The following DMXL2 variants were observed in gnomAD, a reference collection of about 807,000 sequenced individuals.
The protein encoded by DMXL2 is Dmx like 2, also known as dmX-like protein 2.
In DMXL2, 103 loss-of-function variants were observed where a neutral mutation model predicts 331.1. That is an observed-to-expected ratio of 0.31 (90% CI 0.27 to 0.37). The LOEUF is 0.37. DMXL2 is among the 10% of genes least tolerant of loss of function. The pLI is 1.00. For synonymous variants in DMXL2, 1,281 were observed against 1,252.1 expected (o/e 1.02, Z -0.49); for missense variants, 3,171 against 3,642.9 (o/e 0.87, Z 3.33).
chr15:51,467,634 T>C (rs1040767555), intron 29 of DMXL2, among the ~76,000 whole-genome samples: 4 of 152,142 alleles, frequency 2.6e-5, no homozygotes, highest in African/African-American at 4.8e-5. Flanking sequence ...ATCCTCTCAC[T>C]ATTCTCAAGA....
intron 1 of DMXL2, among the ~76,000 whole-genome samples, chr15:51,591,165 G>A (rs1005187950): frequency 1.3e-5 from 2 of 152,240 alleles, no homozygotes; most frequent in Admixed American, 6.5e-5. Context: ...CAAGGGGTCA[G>A]GGAATTCCCT....
chr15:51,576,791 G>C (rs1403724664), intron 1 of DMXL2, among the ~76,000 whole-genome samples: 1 of 151,982 alleles, frequency 6.6e-6, no homozygotes, highest in Admixed American at 6.6e-5. Context: ...TCAGGCCTGA[G>C]GGAGAAAGGA....
At chr15:51,557,597 G>A (rs1303617077) in intron 6 of DMXL2, among the ~76,000 whole-genome samples, 1 of 152,086 alleles carries the variant, frequency 6.6e-6, no homozygotes, top group African/African-American at 2.4e-5. Context: ...AGAAAAACAA[G>A]AGGGGAGGAC....
At chr15:51,549,503 G>A (rs2049077992) in intron 6 of DMXL2, among the ~76,000 whole-genome samples, 1 of 152,130 alleles carries the variant, frequency 6.6e-6, no homozygotes, top group South Asian at 2.1e-4. Flanking sequence ...GGATCAAATG[G>A]TAGTTCTACT....
intron 25 of DMXL2, 48 bp from the exon 26 acceptor site, chr15:51,478,395 C>T (rs1436811132): frequency 9.2e-6 from 14 of 1,521,750 alleles, no homozygotes; most frequent in East Asian, 4.5e-5. Flanking sequence ...CATTTCTACA[C>T]AACAGTAATA....
intron 32 of DMXL2, among the ~76,000 whole-genome samples, chr15:51,463,818 G>C (rs976319975): frequency 6.6e-6 from 1 of 151,934 alleles, no homozygotes; most frequent in Non-Finnish European, 1.5e-5. Context: ...CTTGGTTAAA[G>C]CATATCAACA....
chr15:51,609,529 G>T (rs190952622), intron 1 of DMXL2, among the ~76,000 whole-genome samples: 35 of 152,292 alleles, frequency 2.3e-4, no homozygotes, highest in African/African-American at 8.2e-4. Context: ...AAATACCAAT[G>T]CAGTACAACT....
chr15:51,520,532 C>T (rs550261581), intron 13 of DMXL2, among the ~76,000 whole-genome samples: 80 of 152,220 alleles, frequency 5.3e-4, no homozygotes, highest in Non-Finnish European at 9.4e-4. Context: ...TATGCCACCC[C>T]TGTAAGGCCC....
At position 51,612,310 on chromosome 15, in the gene DMXL2, T is replaced by A. The variant is rs79356687; in HGVS notation, c.87+10149A>T. On this transcript the variant is annotated intron_variant, in intron 1 of 43. Transcript: ENST00000560891. ...ATACTGCCAGGAAGAATGGCTATAG[T>A]TCAATTATTCCATAATCAAATCGTC... Among the ~76,000 whole-genome samples, 1,504 of 152,272 alleles carry A rather than the reference T, an allele frequency of 9.9e-3. 19 individuals carry two copies. Among genetic ancestry groups the A allele is most frequent in the African/African-American group, 0.035 (1,448 of 41,508 alleles).
At chr15:51,451,593 G>C (rs548171560) in intron 42 of DMXL2, 52 bp downstream of exon 42, 3 of 1,361,832 alleles carry the variant, frequency 2.2e-6, no homozygotes, top group Non-Finnish European at 3.1e-6. Context: ...ATTCCTTCAT[G>C]GTGTATTATT....
chr15:51,464,302 G>A (rs1734915395), intron 32 of DMXL2, among the ~76,000 whole-genome samples: 2 of 152,158 alleles, frequency 1.3e-5, no homozygotes, highest in Admixed American at 1.3e-4. Flanking sequence ...AGGAGGCAGA[G>A]GTGAAAAAGA....
At position 51,457,481 on chromosome 15, in the gene DMXL2, C is replaced by T. The variant is rs201055646; in HGVS notation, c.8199-15G>A. 1.2e-6 allele frequency: 2 copies of T among 1,613,372 alleles called. No individual in the cohort carries two copies. The highest frequency in any genetic ancestry group is 1.7e-6 in the Non-Finnish European group (2 of 1,179,534). ...CATCATCTGAACTGTGAAAAACATT[C>T]ATGTGTTACTGTGAACATTCCCTTT... On this transcript the variant is annotated splice_polypyrimidine_tract_variant and intron_variant, in intron 36 of 43. Coordinates refer to ENST00000560891, the MANE Select transcript of DMXL2 (RefSeq NM_001378457.1).
At chr15:51,599,744 G>C (rs1320819569) in intron 1 of DMXL2, among the ~76,000 whole-genome samples, 1 of 151,766 alleles carries the variant, frequency 6.6e-6, no homozygotes, top group East Asian at 1.9e-4. Context: ...TTGTCACCCA[G>C]GCTGGAGTGC....
At chr15:51,458,870 T>C (rs1566978983) in intron 34 of DMXL2, 75 bp from the exon 35 acceptor site, 1 of 1,235,590 alleles carries the variant, frequency 8.1e-7, no homozygotes, top group Admixed American at 2.0e-5. Context: ...CCATAAGATT[T>C]AAATGTAGGA....
At chr15:51,605,380 T>A (rs2053508044) in intron 1 of DMXL2, among the ~76,000 whole-genome samples, 1 of 152,010 alleles carries the variant, frequency 6.6e-6, no homozygotes, top group African/African-American at 2.4e-5. Flanking sequence ...TTTGTATTTT[T>A]AGTAGAGACA....
At position 51,585,802 on chromosome 15, in the gene DMXL2, T is replaced by C. The variant is rs571281568; in HGVS notation, c.88-9621A>G. ...TAGAAGATAAGCATCTTTTCACATA[T>C]TTATCAGCCATTTATATTTCTTTCT... On this transcript the variant is annotated intron_variant, in intron 1 of 43. Coordinates refer to ENST00000560891, the MANE Select transcript of DMXL2 (RefSeq NM_001378457.1). Among the ~76,000 whole-genome samples the C allele has an allele frequency of 1.7e-3, 261 of 152,314 alleles. 2 individuals carry two copies. The highest frequency in any genetic ancestry group is 3.2e-3 in the Non-Finnish European group (217 of 68,020).
chr15:51,566,232 GGTGTGTGTGTGTGTGTGTGT>G (rs71127197), intron 3 of DMXL2, among the ~76,000 whole-genome samples: 13 of 144,726 alleles, frequency 9.0e-5, no homozygotes, highest in South Asian at 2.3e-4. Flanking sequence ...GTGTGTGTGG[GGTGTGTGTGTGTGTGTGTGT>G]GTGTGTGTGT....
chr15:51,595,986 A>T (rs1439755828), intron 1 of DMXL2, among the ~76,000 whole-genome samples: 8 of 152,320 alleles, frequency 5.3e-5, no homozygotes, highest in African/African-American at 1.7e-4. Flanking sequence ...AACCTAGGCA[A>T]TAACATTCAG....
chr15:51,516,512 C>A (rs1244509430), intron 14 of DMXL2, among the ~76,000 whole-genome samples: 1 of 152,198 alleles, frequency 6.6e-6, no homozygotes, highest in African/African-American at 2.4e-5. Context: ...AAACCACAAC[C>A]CGACCCTTCT....
Sources: gnomAD v4.1 joint callset for allele counts (sites outside exome capture counted in the v4.1 genomes callset) on GRCh38, gnomAD v4.1.1 for gene constraint, MANE v1.5 for transcripts, NCBI Gene and HGNC (gene_info 2026-07-23, HGNC 2026-07-21) for gene names.